DOK2: variants seen among roughly 807,000 people sequenced by gnomAD.
DOK2 encodes docking protein 2, 56kD.
Under a neutral mutation model 26.0 loss-of-function variants are expected in DOK2, and 28 were observed. That is an observed-to-expected ratio of 1.08 (90% CI 0.80 to 1.48). The LOEUF (loss-of-function observed/expected upper bound fraction) is 1.48, where lower values mean the gene tolerates loss of function less well. Ranked by LOEUF, DOK2 falls within the 40% of genes most tolerant of loss-of-function variation. DOK2 has a pLI of 0.00. For missense variants in DOK2, 682 were observed against 558.2 expected, an observed-to-expected ratio of 1.22 and a Z score of -2.23; for synonymous variants, 282 against 236.9, an observed-to-expected ratio of 1.19 and a Z score of -1.75.
At chr8:21,912,790 G>C (rs529501131) in intron 1 of DOK2, among the ~76,000 whole-genome samples, 2 of 152,330 alleles carry the variant, frequency 1.3e-5, no homozygotes, top group African/African-American at 4.8e-5. Flanking sequence ...TGAGCCCAAA[G>C]CAGGCTGCAA....
chr8:21,909,841 C>G lies in DOK2; in HGVS notation c.709G>C (p.Ala237Pro). 1 of 1,613,916 alleles carries G rather than the reference C, an allele frequency of 6.2e-7. No homozygotes were observed. Among genetic ancestry groups the G allele is most frequent in the Non-Finnish European group, 8.5e-7 (1 of 1,180,024 alleles). The change falls in exon 5 of 5, where the codon GCC (alanine) becomes CCC (proline). Residue 237 changes from alanine (A) to proline (P), a missense_variant. Ala to Pro is a conservative substitution (Grantham distance 27). Transcript: ENST00000276420. ...TGGGCAGAGATGGCCTCTTCCAGGG[C>G]CAAGAAGATCTCATTGCCTTGCCGG... Reference protein sequence around the residue: ...ETRQGNEIFLALEEAISAQKN... With the variant: ...ETRQGNEIFLPLEEAISAQKN...
chr8:21,911,505 G>C (rs139452434), intron 3 of DOK2, among the ~76,000 whole-genome samples: 3 of 152,222 alleles, frequency 2.0e-5, no homozygotes, highest in Non-Finnish European at 4.4e-5. Flanking sequence ...CTGCTCAGGA[G>C]GCTGAGGCAG....
Position 21,909,644 on chromosome 8 carries a change from G to C in DOK2, c.906C>G (p.Pro302=), listed in dbSNP as rs201948180. 15 of 1,613,244 alleles carry C rather than the reference G, an allele frequency of 9.3e-6. No individual in the cohort carries two copies. The East Asian group carries it at 3.3e-4, about 36-fold the overall frequency. The part of the protein sequence containing the change: ...PRGQEGEYAV[P]FDAVARSLGK... ...CCAAGGAACGGGCCACCGCATCGAA[G>C]GGCACGGCATACTCCCCCTCCTGGC... Residue 302 remains proline (P), a synonymous_variant, in exon 5 of 5, where the codon CCC becomes CCG. Transcript: ENST00000276420.
chr8:21,910,751 C>G lies in DOK2; in HGVS notation c.540G>C (p.Glu180Asp). ...YTLRAGESAL[E>D]LWGGPEPGTQ... The stretch of plus-strand genomic sequence containing the variant: ...TCCCTGGCTCGGGCCCACCCCACAG[C>G]TCCAGGGCACTCTCCCCAGCCCGGA... The change falls in exon 4 of 5, where the codon GAG becomes GAC. Residue 180 changes from glutamate (E) to aspartate (D), a missense_variant. Coordinates refer to ENST00000276420, the MANE Select transcript of DOK2 (RefSeq NM_003974.4). 1 of 1,614,084 alleles carries G rather than the reference C, an allele frequency of 6.2e-7. No individual in the cohort carries two copies. The highest frequency in any genetic ancestry group is 8.5e-7 in the Non-Finnish European group (1 of 1,180,022).
chr8:21,912,341 G>T lies in DOK2; in HGVS notation c.233C>A (p.Pro78His). ...CAGGAAGAAGGCACTGGTGTCCCGG[G>T]GGCTGCTGGCCTCTCCGCCGGCCTC... The part of the protein sequence containing the change: ...VAEAGGEASS[P>H]RDTSAFFLET... The change falls in exon 2 of 5, where the codon CCC (proline) becomes CAC (histidine). Residue 78 changes from proline to histidine, a missense_variant. By Grantham distance (77) the Pro-to-His change is moderately conservative. Transcript: ENST00000276420. 6.2e-7 allele frequency: 1 copy of T among 1,607,770 alleles called. No individual in the cohort carries two copies. The highest frequency in any genetic ancestry group is 8.5e-7 in the Non-Finnish European group (1 of 1,178,544).
Position 21,909,942 on chromosome 8 carries a change from G to A in DOK2, c.619-11C>T, listed in dbSNP as rs763802401. On this transcript the variant is annotated splice_polypyrimidine_tract_variant and intron_variant, in intron 4 of 4. Transcript: ENST00000276420. Reference sequence around the variant, plus strand: ...AAAGGAAAAGGTTACCTGGACCAGGGAGAAAGCAGGTTATTGGCCAGGCCA... The same window carrying A: ...AAAGGAAAAGGTTACCTGGACCAGGAAGAAAGCAGGTTATTGGCCAGGCCA... The A allele has an allele frequency of 6.2e-7, 1 of 1,601,514 alleles. No homozygotes were observed. Among genetic ancestry groups the A allele is most frequent in the Non-Finnish European group, 8.5e-7 (1 of 1,175,994 alleles).
intron 3 of DOK2, among the ~76,000 whole-genome samples, chr8:21,911,556 C>A (rs532977256): frequency 5.3e-4 from 81 of 152,244 alleles, no homozygotes; most frequent in Admixed American, 9.8e-4. Context: ...TGCAGTGAGC[C>A]GAGATTGTGC....
In DOK2 at chr8:21,909,730, G is replaced by T. The variant is rs770012461; in HGVS notation, c.820C>A (p.Pro274Thr). ...LPRPDSPYSR[P>T]HDSLPPPSPT... ...GAAGGCGGCGGCAGTGAGTCATGCGGCCGAGAGTAGGGGCTATCAGGCCGG... is the reference window on the plus strand; with the variant it reads ...GAAGGCGGCGGCAGTGAGTCATGCGTCCGAGAGTAGGGGCTATCAGGCCGG... Residue 274 changes from proline to threonine, a missense_variant, in exon 5 of 5, where the codon CCG (proline) becomes ACG (threonine). By Grantham distance (38) the Pro-to-Thr change is conservative. Transcript: ENST00000276420. 1 of 1,613,618 alleles carries T rather than the reference G, an allele frequency of 6.2e-7. No homozygotes were observed. The highest frequency in any genetic ancestry group is 1.7e-5 in the Admixed American group (1 of 60,018).
In DOK2 at chr8:21,909,318, G is replaced by A; in HGVS notation, c.1232C>T (p.Pro411Leu). Reference sequence around the variant, plus strand: ...ATCCCTCTGCTGCCTCTGTCACTTTGGGCCTTTCTTTAGTACAACATTGTC... The same window carrying A: ...ATCCCTCTGCTGCCTCTGTCACTTTAGGCCTTTCTTTAGTACAACATTGTC... The part of the protein sequence containing the change: ...EYDNVVLKKG[P>L]K The change falls in exon 5 of 5, where the codon CCA becomes CTA. Residue 411 changes from proline (P) to leucine (L), a missense_variant. Pro to Leu is a moderately conservative substitution (Grantham distance 98, BLOSUM62 -3). Transcript: ENST00000276420. The A allele has an allele frequency of 1.3e-6, 2 of 1,529,062 alleles. No individual in the cohort carries two copies. The highest frequency in any genetic ancestry group is 1.8e-6 in the Non-Finnish European group (2 of 1,138,028). The allele number at this position is 1,529,062 out of a possible 1,614,324, so 94.7% of individuals were successfully genotyped here. A position where few individuals can be genotyped will look rare whatever the true frequency, so the allele number is the denominator to read the frequency against.
intron 1 of DOK2, 44 bp from the exon 2 acceptor site, chr8:21,912,554 A>G (rs1809901324): frequency 6.9e-7 from 1 of 1,453,184 alleles, no homozygotes; most frequent in Non-Finnish European, 9.0e-7. Context: ...GGAGCCACCC[A>G]GAGACGGGGA....
chr8:21,912,593 C>A, intron 1 of DOK2, 83 bp from the exon 2 acceptor site: 1 of 1,374,818 alleles, frequency 7.3e-7, no homozygotes, highest in Non-Finnish European at 9.6e-7. Context: ...GAAGAGGAAC[C>A]GTGGGAGGGG....
At position 21,908,960 on chromosome 8, in the gene DOK2, C is replaced by T. The variant is rs539680463; in HGVS notation, c.*351G>A. 5.0e-6 allele frequency: 1 copy of T among 198,400 alleles called. No individual in the cohort carries two copies. The highest frequency in any genetic ancestry group is 1.5e-4 in the South Asian group (1 of 6,582). 12.3% of individuals were successfully genotyped at this position (198,400 alleles called of 1,614,324 possible). On this transcript the variant is annotated 3_prime_UTR_variant, in exon 5 of 5. Transcript: ENST00000276420. The stretch of plus-strand genomic sequence containing the variant: ...CCCTGGGTGCCTGGGCCCAGGCTGT[C>T]CCTGAAGTGGCCATCAGCAGGCAGG...
chr8:21,910,927 A>C, intron 3 of DOK2, 70 bp from the exon 4 acceptor site: 2 of 1,480,892 alleles, frequency 1.4e-6, no homozygotes, highest in Admixed American at 4.6e-5. Flanking sequence ...ACCACTGCCC[A>C]GTTCTAAATG....
At position 21,912,604 on chromosome 8, in the gene DOK2, G is replaced by A. The variant is rs1809903804; in HGVS notation, c.64-94C>T. On this transcript the variant is annotated intron_variant, in intron 1 of 4. Transcript: ENST00000276420. ...GGGAGAAGAGGAACCGTGGGAGGGG[G>A]ACTGGGGCAGCCACTTGGAGATGGG... is the stretch of plus-strand genomic sequence containing the variant. The A allele has an allele frequency of 2.4e-6, 3 of 1,266,636 alleles. No individual in the cohort carries two copies. The Admixed American group carries it at 8.6e-5, about 36-fold the overall frequency. The allele number at this position is 1,266,636 out of a possible 1,614,324, so 78.5% of individuals were successfully genotyped here.
intron 3 of DOK2, 105 bp downstream of exon 3, chr8:21,911,796 A>AAG: frequency 7.8e-7 from 1 of 1,275,060 alleles, no homozygotes; most frequent in Non-Finnish European, 1.1e-6. Context: ...GGATAACCAC[A>AAG]AGGCAGGAAG....
Position 21,909,422 on chromosome 8 carries a change from C to A in DOK2, c.1128G>T (p.Arg376Ser). 4 of 1,612,632 alleles carry A rather than the reference C, an allele frequency of 2.5e-6. No individual in the cohort carries two copies. The South Asian group carries it at 4.4e-5, about 18-fold the overall frequency. ...EAWRRQATAD[R>S]DPAGLQHVQP... is the part of the protein sequence containing the mutation. The stretch of plus-strand genomic sequence containing the variant: ...GGACATGCTGGAGGCCAGCAGGGTC[C>A]CTGTCAGCTGTCGCCTGCCTCCTCC... The change falls in exon 5 of 5, where the codon AGG becomes AGT. Residue 376 changes from arginine (R) to serine (S), a missense_variant. Physicochemically the swap from Arg to Ser is moderately radical, Grantham distance 110. Coordinates refer to ENST00000276420, the MANE Select transcript of DOK2 (RefSeq NM_003974.4).
rs1351808518 is a variant in DOK2 at position 21,909,133 on chromosome 8, C to T, written c.*178G>A. 3 of 677,680 alleles carry T rather than the reference C, an allele frequency of 4.4e-6. No individual in the cohort carries two copies. The highest frequency in any genetic ancestry group is 4.9e-6 in the Non-Finnish European group (2 of 405,488). The allele number at this position is 677,680 out of a possible 1,614,324, so 42.0% of individuals were successfully genotyped here. A position where few individuals can be genotyped will look rare whatever the true frequency, so the allele number is the denominator to read the frequency against. On this transcript the variant is annotated 3_prime_UTR_variant, in exon 5 of 5. Coordinates refer to ENST00000276420, the MANE Select transcript of DOK2 (RefSeq NM_003974.4). ...GGGTGGTTCTCTCCAGGGCACCCTT[C>T]CTGCTTTGGGATGGTGACTCACCCA...
In DOK2 at chr8:21,912,598, G is replaced by A. The variant is rs969172517; in HGVS notation, c.64-88C>T. The A allele has an allele frequency of 3.7e-6, 5 of 1,343,038 alleles. No individual in the cohort carries two copies. In the African/African-American group the frequency reaches 7.3e-5, roughly 20 times the overall value. 83.2% of individuals were successfully genotyped at this position (1,343,038 alleles called of 1,614,324 possible). A position where few individuals can be genotyped will look rare whatever the true frequency, so the allele number is the denominator to read the frequency against. On this transcript the variant is annotated intron_variant, in intron 1 of 4. Transcript: ENST00000276420. ...GCCAAGGGGAGAAGAGGAACCGTGG[G>A]AGGGGGACTGGGGCAGCCACTTGGA...
chr8:21,910,799 GCACCTCT>G lies in DOK2; in HGVS notation c.485_491del (p.Glu162AlafsTer44). On this transcript the variant is annotated frameshift_variant, in exon 4 of 5. Coordinates refer to ENST00000276420, the MANE Select transcript of DOK2 (RefSeq NM_003974.4). LOFTEE classifies it high-confidence loss of function. ...GGAGGGTATAGGACCCCCGCAGGTG[GCACCTCT>G]CACTGGCTTCTGTAGGTCTCATGGT... is the stretch of plus-strand genomic sequence containing the variant. The G allele has an allele frequency of 6.2e-7, 1 of 1,613,860 alleles. No homozygotes were observed. The highest frequency in any genetic ancestry group is 8.5e-7 in the Non-Finnish European group (1 of 1,179,930).
Sources: gnomAD v4.1 joint callset for allele counts (sites outside exome capture counted in the v4.1 genomes callset) on GRCh38, gnomAD v4.1.1 for gene constraint, MANE v1.5 for transcripts, NCBI Gene and HGNC (gene_info 2026-07-23, HGNC 2026-07-21) for gene names.